SUPT3H: variants seen among roughly 807,000 people sequenced by gnomAD.
The protein encoded by SUPT3H is SPT3 homolog, SAGA and STAGA complex component.
SUPT3H carries 44 observed loss-of-function variants against 44.3 expected under a neutral mutation model. That is an observed-to-expected ratio of 0.99 (90% CI 0.78 to 1.28). The LOEUF is 1.28. Among genes scored for constraint, SUPT3H ranks in the 50% most tolerant of loss-of-function variants. SUPT3H has a pLI of 0.00. For synonymous variants in SUPT3H, 124 were observed against 125.6 expected (o/e 0.99, Z 0.09); for missense variants, 380 against 387.1 (o/e 0.98, Z 0.15).
chr6:45,130,134 A>C (rs547951400), intron 2 of SUPT3H, among the ~76,000 whole-genome samples: 3 of 152,322 alleles, frequency 2.0e-5, no homozygotes, highest in Admixed American at 2.0e-4. Context: ...GAAATATTTC[A>C]TCAACCCAAA....
At chr6:45,062,401 T>TA (rs1792258041) in intron 3 of SUPT3H, among the ~76,000 whole-genome samples, 1 of 151,652 alleles carries the variant, frequency 6.6e-6, no homozygotes, top group African/African-American at 2.4e-5. Context: ...CAAGACACAC[T>TA]AAATGGAGCA....
At chr6:45,073,594 T>C (rs911654642) in intron 3 of SUPT3H, among the ~76,000 whole-genome samples, 3 of 151,998 alleles carry the variant, frequency 2.0e-5, no homozygotes. Flanking sequence ...GACTAGGAAA[T>C]TTTATATAGA....
chr6:45,334,033 AT>A (rs1405739768), intron 2 of SUPT3H, among the ~76,000 whole-genome samples: 1 of 151,322 alleles, frequency 6.6e-6, no homozygotes, highest in Non-Finnish European at 1.5e-5. Context: ...CCAAGTTAAC[AT>A]TATTCCCAGA....
At chr6:45,128,545 TATATATATATATAC>T (rs1562514172) in intron 2 of SUPT3H, among the ~76,000 whole-genome samples, 1 of 59,660 alleles carries the variant, frequency 1.7e-5, no homozygotes, top group East Asian at 4.3e-4. Context: ...TATATATATA[TATATATATATATAC>T]ACACACACAC....
At chr6:44,911,475 T>G (rs1282501946) in intron 10 of SUPT3H, among the ~76,000 whole-genome samples, 3 of 152,250 alleles carry the variant, frequency 2.0e-5, no homozygotes, top group African/African-American at 7.2e-5. Context: ...CTGGAATTTA[T>G]GCCAAAATTC....
At chr6:45,254,682 A>G (rs1434708042) in intron 2 of SUPT3H, among the ~76,000 whole-genome samples, 2 of 152,168 alleles carry the variant, frequency 1.3e-5, no homozygotes, top group Non-Finnish European at 2.9e-5. Context: ...AGTAATCCCA[A>G]AGCAGAGCGG....
At chr6:45,352,907 C>T (rs1792361516) in intron 2 of SUPT3H, among the ~76,000 whole-genome samples, 1 of 151,860 alleles carries the variant, frequency 6.6e-6, no homozygotes, top group Non-Finnish European at 1.5e-5. Flanking sequence ...CTATGACTAC[C>T]ATTCAAAATT....
At chr6:44,915,912 C>T (rs1208724058) in intron 10 of SUPT3H, among the ~76,000 whole-genome samples, 1 of 152,158 alleles carries the variant, frequency 6.6e-6, no homozygotes, top group African/African-American at 2.4e-5. Context: ...CATATGTTCT[C>T]AGGACCTCCC....
intron 10 of SUPT3H, among the ~76,000 whole-genome samples, chr6:44,901,435 C>G (rs1293597): frequency 0.047 from 7,148 of 151,910 alleles, 233 homozygotes; most frequent in South Asian, 0.13. Flanking sequence ...GATGGAAGAT[C>G]AAATGAATGA....
intron 3 of SUPT3H, among the ~76,000 whole-genome samples, chr6:45,058,926 G>C (rs1341621897): frequency 6.6e-6 from 1 of 152,036 alleles, no homozygotes; most frequent in East Asian, 1.9e-4. Flanking sequence ...TGTTTTTGAT[G>C]CTTTAAGTAG....
chr6:44,972,684 A>G (rs926955206), intron 6 of SUPT3H, among the ~76,000 whole-genome samples: 1 of 152,180 alleles, frequency 6.6e-6, no homozygotes, highest in Non-Finnish European at 1.5e-5. Flanking sequence ...CTGCCTAGAC[A>G]TCCAGGTGTT....
Position 44,828,729 on chromosome 6 carries a change from A to ATCTT in SUPT3H, c.*1083_*1086dup, listed in dbSNP as rs1228424361. On this transcript the variant is annotated 3_prime_UTR_variant, in exon 11 of 11. Coordinates refer to ENST00000371459, the MANE Select transcript of SUPT3H (RefSeq NM_003599.4). ...AAAAAGGAGCAGTATCAAGAAAAAG[A>ATCTT]TCTTTCATGTTTCTCATTTCTGTTT... 6.6e-6 allele frequency: 1 copy of ATCTT among 152,344 alleles called. No individual in the cohort carries two copies. Among genetic ancestry groups the ATCTT allele is most frequent in the African/African-American group, 2.4e-5 (1 of 41,462 alleles). The allele number at this position is 152,344 out of a possible 1,614,324, so 9.4% of individuals were successfully genotyped here. A position where few individuals can be genotyped will look rare whatever the true frequency, so the allele number is the denominator to read the frequency against.
intron 2 of SUPT3H, among the ~76,000 whole-genome samples, chr6:45,282,287 T>C (rs1778273591): frequency 6.6e-6 from 1 of 151,732 alleles, no homozygotes; most frequent in Non-Finnish European, 1.5e-5. Context: ...ATCAAACTAA[T>C]CCGAGCTAAA....
intron 2 of SUPT3H, among the ~76,000 whole-genome samples, chr6:45,188,491 A>T (rs1304458179): frequency 2.6e-5 from 4 of 152,188 alleles, no homozygotes; most frequent in African/African-American, 9.7e-5. Flanking sequence ...AATTTATAGC[A>T]ATCAGGTTTG....
At chr6:44,987,062 C>T (rs548968627) in intron 6 of SUPT3H, among the ~76,000 whole-genome samples, 2 of 152,234 alleles carry the variant, frequency 1.3e-5, no homozygotes, top group South Asian at 4.2e-4. Flanking sequence ...TGCCAGCACA[C>T]TCTGGTTCTG....
chr6:45,162,405 T>C (rs972272438), intron 2 of SUPT3H, among the ~76,000 whole-genome samples: 4 of 151,948 alleles, frequency 2.6e-5, no homozygotes, highest in African/African-American at 7.3e-5. Flanking sequence ...GCACCTATAG[T>C]CCCAGCTACT....
intron 2 of SUPT3H, among the ~76,000 whole-genome samples, chr6:45,158,290 ATATATATAT>A (rs1808262024): frequency 2.5e-5 from 1 of 39,788 alleles, no homozygotes; most frequent in Non-Finnish European, 5.4e-5. Context: ...ATATATATAT[ATATATATAT>A]TTTTTTTTTT....
chr6:45,097,351 A>C (rs963781685), intron 3 of SUPT3H: 3 of 152,242 alleles, frequency 2.0e-5, no homozygotes, highest in African/African-American at 7.2e-5. Flanking sequence ...GGCTTCCCAG[A>C]AACTCTAGAG....
At chr6:44,930,890 C>T (rs1264894917) in intron 10 of SUPT3H, among the ~76,000 whole-genome samples, 1 of 152,164 alleles carries the variant, frequency 6.6e-6, no homozygotes, top group Admixed American at 6.5e-5. Context: ...TTAGGCAATA[C>T]CTGAAGCTAG....
Sources: allele counts gnomAD v4.1 joint callset (sites outside exome capture counted in the v4.1 genomes callset), GRCh38; gene constraint gnomAD v4.1.1; transcripts MANE v1.5; gene names NCBI Gene and HGNC (gene_info 2026-07-23, HGNC 2026-07-21).